The following PLCE1 variants were observed in gnomAD, a reference collection of about 807,000 sequenced individuals.
PLCE1 encodes the protein phospholipase C epsilon 1, also known as 1-phosphatidylinositol 4,5-bisphosphate phosphodiesterase epsilon-1.
In PLCE1, 119 loss-of-function variants were observed where a neutral mutation model predicts 242.8. That is an observed-to-expected ratio of 0.49 (90% CI 0.42 to 0.57). The LOEUF (loss-of-function observed/expected upper bound fraction) is 0.57. Among genes scored for constraint, PLCE1 ranks in the 20% least tolerant of loss-of-function variants. The pLI is 0.00. For synonymous variants in PLCE1, 945 were observed against 1,017.4 expected, an observed-to-expected ratio of 0.93 and a Z score of 1.35; for missense variants, 2,441 against 2,788.8, an observed-to-expected ratio of 0.88 and a Z score of 2.81.
chr10:94,092,310 A>G (rs1006769566), intron 2 of PLCE1, among the ~76,000 whole-genome samples: 1 of 152,190 alleles, frequency 6.6e-6, no homozygotes, highest in Non-Finnish European at 1.5e-5. Context: ...TTCTTTGTCC[A>G]ATAAAGTAAG....
intron 19 of PLCE1, among the ~76,000 whole-genome samples, chr10:94,276,595 G>A (rs1369845273): frequency 6.6e-6 from 1 of 152,124 alleles, no homozygotes; most frequent in East Asian, 1.9e-4. Flanking sequence ...GGAAGTTTGA[G>A]AAACACTATT....
intron 2 of PLCE1, among the ~76,000 whole-genome samples, chr10:94,097,948 TG>T (rs2045376986): frequency 6.6e-6 from 1 of 152,176 alleles, no homozygotes; most frequent in Admixed American, 6.5e-5. Flanking sequence ...CCTACAGCAG[TG>T]GACAGGCGAC....
chr10:94,194,338 A>G (rs1166986923), intron 4 of PLCE1, among the ~76,000 whole-genome samples: 2 of 152,186 alleles, frequency 1.3e-5, no homozygotes, highest in Non-Finnish European at 2.9e-5. Context: ...TGGTAATACT[A>G]AGAGACAGCC....
At chr10:94,206,252 T>C (rs1185969292) in intron 4 of PLCE1, among the ~76,000 whole-genome samples, 1 of 152,104 alleles carries the variant, frequency 6.6e-6, no homozygotes, top group African/African-American at 2.4e-5. Context: ...GAACCATAAG[T>C]GCCAGTGCCC....
rs1590080959 is a variant in PLCE1, at chr10:94,127,844, G to C, written c.1207-4330G>C. 7.9e-5 allele frequency among the ~76,000 whole-genome samples: 12 copies of C among 152,234 alleles called. 3 individuals carry two copies. The highest frequency in any genetic ancestry group is 7.9e-4 in the Admixed American group (12 of 15,286). On this transcript the variant is annotated intron_variant, in intron 2 of 32. Transcript: ENST00000371380. ...CAAGGTCACACAGCTGGGAAGCATG[G>C]GAGCTGGAATTCAAACCAATGCTCC...
rs1564905216 is a variant in PLCE1 at position 94,329,802 on chromosome 10, A to AAC, written c.*1860_*1861insCA. ...AAAAAAAAAAAAAAAAAAAAAAAAA[A>AAC]AAAAAAAAACACCATACAGCTTTCA... On this transcript the variant is annotated 3_prime_UTR_variant, in exon 33 of 33. Coordinates refer to ENST00000371380, the MANE Select transcript of PLCE1 (RefSeq NM_016341.4). The AAC allele has an allele frequency of 3.4e-5, 5 of 147,470 alleles. No individual in the cohort carries two copies. Among genetic ancestry groups the AAC allele is most frequent in the African/African-American group, 1.3e-4 (5 of 39,934 alleles). 9.1% of individuals were successfully genotyped at this position (147,470 alleles called of 1,614,324 possible).
chr10:94,231,627 C>T (rs2050147553), intron 5 of PLCE1, among the ~76,000 whole-genome samples: 1 of 150,990 alleles, frequency 6.6e-6, no homozygotes, highest in Non-Finnish European at 1.5e-5. Flanking sequence ...AAACAGGGAT[C>T]CCCAGCCTTT....
In PLCE1 at chr10:94,227,413, C is replaced by CA; in HGVS notation, c.1919dup (p.Asn640LysfsTer28). Reference sequence around the variant, plus strand: ...TGGCCAAATGCTGCTGGAACATGGGCAACTACAACGCTGTCATGGAGTTCT... The same window carrying CA: ...TGGCCAAATGCTGCTGGAACATGGGCAAACTACAACGCTGTCATGGAGTTCT... On this transcript the variant is annotated frameshift_variant, in exon 5 of 33. Coordinates refer to ENST00000371380, the MANE Select transcript of PLCE1 (RefSeq NM_016341.4). LOFTEE classifies it high-confidence loss of function. The CA allele has an allele frequency of 6.2e-7, 1 of 1,613,928 alleles. No homozygotes were observed. The highest frequency in any genetic ancestry group is 8.5e-7 in the Non-Finnish European group (1 of 1,179,886).
intron 28 of PLCE1, among the ~76,000 whole-genome samples, chr10:94,314,714 A>C (rs1019330499): frequency 6.6e-6 from 1 of 152,258 alleles, no homozygotes; most frequent in African/African-American, 2.4e-5. Context: ...AGCTGGGATC[A>C]TAACATTTGG....
At chr10:94,248,962 G>A (rs2050781608) in intron 8 of PLCE1, among the ~76,000 whole-genome samples, 1 of 152,142 alleles carries the variant, frequency 6.6e-6, no homozygotes, top group South Asian at 2.1e-4. Context: ...CGAACGGCAG[G>A]TGAAGAGGTA....
intron 1 of PLCE1, among the ~76,000 whole-genome samples, chr10:94,029,610 A>G (rs751923528): frequency 1.3e-5 from 2 of 152,116 alleles, no homozygotes; most frequent in Non-Finnish European, 2.9e-5. Flanking sequence ...TAGGGTTTCC[A>G]GTGATTTTTC....
chr10:94,116,428 C>T (rs906243907), intron 2 of PLCE1, among the ~76,000 whole-genome samples: 1 of 152,220 alleles, frequency 6.6e-6, no homozygotes, highest in African/African-American at 2.4e-5. Context: ...GGCATGGTGG[C>T]TCATGCCTGT....
At chr10:94,179,512 GTTT>G (rs1554877545) in intron 4 of PLCE1, among the ~76,000 whole-genome samples, 2 of 19,398 alleles carry the variant, frequency 1.0e-4, no homozygotes, top group Non-Finnish European at 1.0e-4. Flanking sequence ...TTTTAGTTTA[GTTT>G]TTTTTTTTTT....
chr10:94,138,771 C>T (rs1251536187), intron 3 of PLCE1: 1 of 227,594 alleles, frequency 4.4e-6, no homozygotes, highest in African/African-American at 2.4e-5. Context: ...TACTTTGGAC[C>T]AGATTTCAAG....
At chr10:94,209,448 A>G (rs894611689) in intron 4 of PLCE1, among the ~76,000 whole-genome samples, 2 of 152,208 alleles carry the variant, frequency 1.3e-5, no homozygotes, top group Non-Finnish European at 2.9e-5. Context: ...TTTGTTTTAT[A>G]TTATATACTG....
chr10:94,056,264 G>A (rs1001987108), intron 2 of PLCE1, among the ~76,000 whole-genome samples: 1 of 152,098 alleles, frequency 6.6e-6, no homozygotes, highest in African/African-American at 2.4e-5. Context: ...AGCAGAGAGA[G>A]GGTTGGATTA....
chr10:94,005,804 G>A (rs1412408440), intron 1 of PLCE1, among the ~76,000 whole-genome samples: 1 of 152,164 alleles, frequency 6.6e-6, no homozygotes, highest in Non-Finnish European at 1.5e-5. Flanking sequence ...TAGCACTGAA[G>A]GCCTCACCTT....
intron 5 of PLCE1, among the ~76,000 whole-genome samples, chr10:94,228,933 G>A (rs951874956): frequency 6.6e-6 from 1 of 152,142 alleles, no homozygotes; most frequent in African/African-American, 2.4e-5. Context: ...TGTAATCCCA[G>A]CACTTTGGGA....
intron 4 of PLCE1, among the ~76,000 whole-genome samples, chr10:94,220,911 G>T (rs1210927412): frequency 6.6e-6 from 1 of 152,130 alleles, no homozygotes; most frequent in Non-Finnish European, 1.5e-5. Flanking sequence ...CTCCAGCGCC[G>T]GGCTCCGCCA....
Sources: allele counts gnomAD v4.1 joint callset (sites outside exome capture counted in the v4.1 genomes callset), GRCh38; gene constraint gnomAD v4.1.1; transcripts MANE v1.5; gene names NCBI Gene and HGNC (gene_info 2026-07-23, HGNC 2026-07-21).